RGS20: variants seen among roughly 807,000 people sequenced by gnomAD.
RGS20 encodes regulator of G protein signaling 20.
RGS20 carries 30 observed loss-of-function variants against 33.6 expected under a neutral mutation model. The observed-to-expected ratio is 0.89, with a 90% confidence interval of 0.67 to 1.21. RGS20 has a LOEUF of 1.21. Ranked by LOEUF, RGS20 falls within the 50% of genes most tolerant of loss-of-function variation. RGS20 has a pLI of 0.00. For synonymous variants in RGS20, 208 were observed against 197.9 expected (o/e 1.05, Z -0.43); for missense variants, 472 against 502.4 (o/e 0.94, Z 0.58).
At chr8:53,919,893 GT>G (rs1215783994) in intron 2 of RGS20, among the ~76,000 whole-genome samples, 3 of 149,870 alleles carry the variant, frequency 2.0e-5, no homozygotes, top group East Asian at 4.0e-4. Context: ...TAGATTTTTT[GT>G]TTGTTTGTTT....
At chr8:53,957,796 TG>T (rs1017926757) in intron 5 of RGS20, among the ~76,000 whole-genome samples, 4 of 152,238 alleles carry the variant, frequency 2.6e-5, no homozygotes, top group African/African-American at 9.6e-5. Flanking sequence ...ATTATGCTTT[TG>T]GTTTCTCTTT....
At chr8:53,894,883 T>C (rs567170011) in intron 2 of RGS20, among the ~76,000 whole-genome samples, 9 of 152,336 alleles carry the variant, frequency 5.9e-5, no homozygotes, top group African/African-American at 2.2e-4. Flanking sequence ...TTTGGATTTT[T>C]TCTAGTGTCA....
chr8:53,877,360 G>C lies in RGS20; in HGVS notation c.166-1898G>C, dbSNP rs1346489897. On this transcript the variant is annotated intron_variant, in intron 1 of 5. Transcript: ENST00000297313. The surrounding 1 kb of genome is among the most constrained non-coding windows in gnomAD (Gnocchi z 5.7). ...TCGCTCCGGAGTGGGGCGCAGACGC[G>C]GCCGCCGGCCCGCAGTCCCCCGCAG... Among the ~76,000 whole-genome samples, 1 of 152,132 alleles carries C rather than the reference G, an allele frequency of 6.6e-6. No homozygotes were observed. Among genetic ancestry groups the C allele is most frequent in the Non-Finnish European group, 1.5e-5 (1 of 67,992 alleles).
intron 2 of RGS20, among the ~76,000 whole-genome samples, chr8:53,910,202 C>T (rs1422149472): frequency 1.3e-5 from 2 of 152,008 alleles, no homozygotes; most frequent in African/African-American, 4.8e-5. Context: ...ATGTAGCCAG[C>T]AAAAGTATAG....
intron 2 of RGS20, among the ~76,000 whole-genome samples, chr8:53,884,137 A>G (rs1184383354): frequency 2.0e-5 from 3 of 151,942 alleles, no homozygotes; most frequent in East Asian, 1.9e-4. Flanking sequence ...TTTGTATACT[A>G]TAAAGAGTAT....
At chr8:53,885,881 T>C (rs915486443) in intron 2 of RGS20, among the ~76,000 whole-genome samples, 2 of 150,552 alleles carry the variant, frequency 1.3e-5, no homozygotes, top group African/African-American at 4.9e-5. Flanking sequence ...ACTTACTACA[T>C]GTTCTTAGAC....
At chr8:53,930,314 G>A (rs1263053709) in intron 2 of RGS20, among the ~76,000 whole-genome samples, 1 of 152,184 alleles carries the variant, frequency 6.6e-6, no homozygotes, top group African/African-American at 2.4e-5. Flanking sequence ...TATGACAGCA[G>A]CAAAAATCAG....
intron 4 of RGS20, among the ~76,000 whole-genome samples, chr8:53,950,482 T>C (rs1814678764): frequency 6.6e-6 from 1 of 152,140 alleles, no homozygotes; most frequent in Non-Finnish European, 1.5e-5. Context: ...TTCCTTTGAG[T>C]GTCATGTCAA....
At chr8:53,907,651 G>C (rs1329985233) in intron 2 of RGS20, among the ~76,000 whole-genome samples, 1 of 152,138 alleles carries the variant, frequency 6.6e-6, no homozygotes, top group Non-Finnish European at 1.5e-5. Context: ...CGCTCTTGGG[G>C]ATGAGGAGTG....
At chr8:53,948,219 A>G (rs1814588403) in intron 4 of RGS20, among the ~76,000 whole-genome samples, 1 of 137,832 alleles carries the variant, frequency 7.3e-6, no homozygotes, top group East Asian at 2.1e-4. Context: ...ATAAGATAGT[A>G]TATATATTTA....
chr8:53,903,485 G>A (rs1813086465), intron 2 of RGS20, among the ~76,000 whole-genome samples: 1 of 152,166 alleles, frequency 6.6e-6, no homozygotes, highest in Admixed American at 6.5e-5. Flanking sequence ...TTCCACAGCA[G>A]TTAGGTCCCT....
At chr8:53,949,250 A>C (rs570099826) in intron 4 of RGS20, among the ~76,000 whole-genome samples, 3 of 147,142 alleles carry the variant, frequency 2.0e-5, no homozygotes, top group African/African-American at 7.4e-5. Context: ...GATACAGTAT[A>C]TATTTATATA....
chr8:53,875,693 C>T (rs529439388), intron 1 of RGS20, among the ~76,000 whole-genome samples: 2 of 152,270 alleles, frequency 1.3e-5, no homozygotes, highest in South Asian at 4.1e-4. Flanking sequence ...CACAACATTT[C>T]CTTATGACAT....
intron 2 of RGS20, among the ~76,000 whole-genome samples, chr8:53,902,378 C>T (rs1421512723): frequency 6.6e-6 from 1 of 152,136 alleles, no homozygotes; most frequent in Non-Finnish European, 1.5e-5. Context: ...TTTGGTGCAA[C>T]GTTCTCAGGG....
chr8:53,872,035 G>A (rs753834424), intron 1 of RGS20, among the ~76,000 whole-genome samples: 1 of 151,922 alleles, frequency 6.6e-6, no homozygotes, highest in Admixed American at 6.6e-5. Flanking sequence ...TCTTTAGCAG[G>A]ATTCTTGATT....
chr8:53,931,958 C>CA (rs1182598039), intron 2 of RGS20, among the ~76,000 whole-genome samples: 2 of 152,174 alleles, frequency 1.3e-5, no homozygotes, highest in Non-Finnish European at 2.9e-5. Flanking sequence ...CTGGTGGTGA[C>CA]AAAATCTCTC....
intron 2 of RGS20, among the ~76,000 whole-genome samples, chr8:53,900,017 G>A (rs768453840): frequency 3.9e-5 from 6 of 152,110 alleles, no homozygotes; most frequent in Admixed American, 6.5e-5. Context: ...AGCTATTTTT[G>A]TCACCGCTTG....
rs557301539 is a variant in RGS20 at position 53,906,744 on chromosome 8, G to A, written c.510+27142G>A. ...AAAACAGTGAAATTGAAATGAATGA[G>A]GCTCATGAGGAAAGGAGTTTTGTTC... On this transcript the variant is annotated intron_variant, in intron 2 of 5. Coordinates refer to ENST00000297313, the MANE Select transcript of RGS20 (RefSeq NM_170587.4). Among the ~76,000 whole-genome samples the A allele has an allele frequency of 1.6e-4, 25 of 152,230 alleles. No homozygotes were observed. The South Asian group carries it at 4.4e-3, about 26-fold the overall frequency.
chr8:53,908,875 A>G (rs1813256294), intron 2 of RGS20, among the ~76,000 whole-genome samples: 1 of 152,208 alleles, frequency 6.6e-6, no homozygotes, highest in South Asian at 2.1e-4. Context: ...AAAATCATAT[A>G]TATACTCTTG....
Sources: allele counts gnomAD v4.1 joint callset (sites outside exome capture counted in the v4.1 genomes callset), GRCh38; gene constraint gnomAD v4.1.1; non-coding constraint Gnocchi (gnomAD v3.1); transcripts MANE v1.5; gene names NCBI Gene and HGNC (gene_info 2026-07-23, HGNC 2026-07-21).